The following ZNF81 variants were observed in gnomAD, a reference collection of about 807,000 sequenced individuals.
The protein encoded by ZNF81 is zinc finger protein 81 (HFZ20).
ZNF81 carries 5 observed loss-of-function variants against 32.3 expected under a neutral mutation model. The observed-to-expected ratio is 0.15, with a 90% CI of 0.08 to 0.33. The LOEUF is 0.33. ZNF81 is among the 10% of genes least tolerant of loss of function. ZNF81 has a pLI of 1.00. For missense variants in ZNF81, 379 were observed against 479.8 expected (o/e 0.79, Z 1.96); for synonymous variants, 163 against 166.8 (o/e 0.98, Z 0.17).
intron 3 of ZNF81, among the ~76,000 whole-genome samples, chrX:47,892,035 G>A (rs193106944): frequency 1.8e-5 from 2 of 111,115 alleles, no homozygotes; most frequent in Admixed American, 9.6e-5. Flanking sequence ...TTTATGATTC[G>A]AGTTAGAGTT....
At position 47,919,812 on chromosome X, in the gene ZNF81, T is replaced by G. The variant is rs1465981711; in HGVS notation, c.*3180T>G. On this transcript the variant is annotated 3_prime_UTR_variant, in exon 5 of 5. Coordinates refer to ENST00000338637, the MANE Select transcript of ZNF81 (RefSeq NM_007137.5). ...CATTGAGGATTAGGATTTTAACATA[T>G]GAATTTTGGGGGGGATGCAATCATT... The G allele has an allele frequency of 9.0e-6, 1 of 111,434 alleles. No individual in the cohort carries two copies. Among genetic ancestry groups the G allele is most frequent in the Non-Finnish European group, 1.9e-5 (1 of 53,106 alleles). 9.2% of individuals were successfully genotyped at this position (111,434 alleles called of 1,213,427 possible).
In ZNF81 at chrX:47,916,789, A is replaced by G. The variant is rs782747880; in HGVS notation, c.*157A>G. The G allele has an allele frequency of 2.1e-4, 114 of 534,777 alleles. No individual in the cohort carries two copies. The highest frequency in any genetic ancestry group is 2.8e-4 in the Non-Finnish European group (103 of 363,707). 44.1% of individuals were successfully genotyped at this position (534,777 alleles called of 1,213,427 possible). On this transcript the variant is annotated 3_prime_UTR_variant, in exon 5 of 5. Coordinates refer to ENST00000338637, the MANE Select transcript of ZNF81 (RefSeq NM_007137.5). ...CACTTGAGATGGAAAAAAATTATTC[A>G]GAAGAAACTCTCTTAAAAATGCATT... is the stretch of plus-strand genomic sequence containing the variant.
At chrX:47,877,729 T>A (rs1451614761) in intron 2 of ZNF81, among the ~76,000 whole-genome samples, 1 of 112,288 alleles carries the variant, frequency 8.9e-6, no homozygotes, top group African/African-American at 3.2e-5. Context: ...GCACATTTGC[T>A]GCTCATTTTC....
At chrX:47,903,040 C>T (rs988946207) in intron 4 of ZNF81, among the ~76,000 whole-genome samples, 9 of 111,344 alleles carry the variant, frequency 8.1e-5, no homozygotes, top group African/African-American at 2.6e-4. Flanking sequence ...CAATAAATTA[C>T]GTATTGATGG....
rs1282905898 is a variant in ZNF81 at position 47,889,625 on chromosome X, C to T, written c.181+1500C>T. Among the ~76,000 whole-genome samples the T allele has an allele frequency of 2.7e-5, 3 of 112,010 alleles. No homozygotes were observed. In the South Asian group the frequency reaches 1.1e-3, roughly 41 times the overall value. On this transcript the variant is annotated intron_variant, in intron 3 of 4. Coordinates refer to ENST00000338637, the MANE Select transcript of ZNF81 (RefSeq NM_007137.5). ...TATTAGTCCGTTTGTTCTCACATTG[C>T]TATAAAGAAATGCCTGAGACTGGGT...
At chrX:47,880,960 G>C (rs912178284) in intron 2 of ZNF81, among the ~76,000 whole-genome samples, 1 of 111,691 alleles carries the variant, frequency 9.0e-6, no homozygotes, top group Non-Finnish European at 1.9e-5. Flanking sequence ...GTATCACATG[G>C]CTAGGGGATT....
intron 2 of ZNF81, among the ~76,000 whole-genome samples, chrX:47,854,677 G>C (rs1406064072): frequency 8.9e-6 from 1 of 111,785 alleles, no homozygotes; most frequent in Non-Finnish European, 1.9e-5. Context: ...CCAGTAGGTG[G>C]AGCAGTCAGA....
intron 2 of ZNF81, among the ~76,000 whole-genome samples, chrX:47,886,601 C>CT (rs564623338): frequency 0.12 from 11,436 of 96,100 alleles, 981 homozygotes; most frequent in East Asian, 0.31. Context: ...CTCTCTCTCT[C>CT]TTTTTTTTTT....
intron 2 of ZNF81, among the ~76,000 whole-genome samples, chrX:47,879,629 C>T (rs1556884917): frequency 1.8e-5 from 2 of 112,085 alleles, no homozygotes; most frequent in African/African-American, 3.2e-5. Flanking sequence ...AAATCTGCCT[C>T]TCCTTTGTCC....
In ZNF81 at chrX:47,915,463, G is replaced by A; in HGVS notation, c.817G>A (p.Ala273Thr). 7.4e-6 allele frequency: 9 copies of A among 1,211,445 alleles called. 1 individual carries two copies. The highest frequency in any genetic ancestry group is 4.6e-4 in the Middle Eastern group (2 of 4,353). Residue 273 changes from alanine to threonine, a missense_variant, in exon 5 of 5, where the codon GCA (alanine) becomes ACA (threonine). By Grantham distance (58) the Ala-to-Thr change is moderately conservative. Around this residue, in one of 2 missense-constraint regions of ZNF81, gnomAD observed 277 missense variants for 306.6 expected, o/e 0.90. Coordinates refer to ENST00000338637, the MANE Select transcript of ZNF81 (RefSeq NM_007137.5). Reference protein sequence around the residue: ...QNVKFPIGEKANTCTEFGKIF... With the variant: ...QNVKFPIGEKTNTCTEFGKIF... Reference sequence around the variant, plus strand: ...TGTGAAATTTCCCATTGGAGAGAAAGCAAACACATGTACTGAATTTGGGAA... The same window carrying A: ...TGTGAAATTTCCCATTGGAGAGAAAACAAACACATGTACTGAATTTGGGAA...
chrX:47,877,936 G>A (rs1162402268), intron 2 of ZNF81, among the ~76,000 whole-genome samples: 2 of 111,420 alleles, frequency 1.8e-5, no homozygotes, highest in East Asian at 2.8e-4. Context: ...ACAAGAGTTC[G>A]TCTCAGGCAG....
At chrX:47,840,128 T>TC (rs1491439821) in intron 1 of ZNF81, among the ~76,000 whole-genome samples, 6 of 24,158 alleles carry the variant, frequency 2.5e-4, no homozygotes, top group South Asian at 1.4e-3. Context: ...CTTCTCTCTC[T>TC]TTTTTTTTTT....
At chrX:47,840,198 G>A (rs1216517870) in intron 1 of ZNF81, among the ~76,000 whole-genome samples, 1 of 104,805 alleles carries the variant, frequency 9.5e-6, no homozygotes, top group African/African-American at 3.5e-5. Context: ...TGTATTTCGA[G>A]TCTTTTTCAA....
intron 2 of ZNF81, among the ~76,000 whole-genome samples, chrX:47,887,653 A>T (rs2058647170): frequency 9.0e-6 from 1 of 111,617 alleles, no homozygotes; most frequent in Non-Finnish European, 1.9e-5. Context: ...GAAATTTTTA[A>T]AAATTGGGAT....
At chrX:47,859,777 T>A (rs1463420183) in intron 2 of ZNF81, among the ~76,000 whole-genome samples, 1 of 111,584 alleles carries the variant, frequency 9.0e-6, no homozygotes, top group Non-Finnish European at 1.9e-5. Flanking sequence ...TCTTAACATT[T>A]GTGCCAGCTC....
At chrX:47,874,913 C>G (rs1267069866) in intron 2 of ZNF81, among the ~76,000 whole-genome samples, 1 of 111,578 alleles carries the variant, frequency 9.0e-6, no homozygotes, top group African/African-American at 3.3e-5. Flanking sequence ...GAGGTGCAAT[C>G]TAGGCTAAGC....
chrX:47,877,233 C>G (rs1172679417), intron 2 of ZNF81, among the ~76,000 whole-genome samples: 2 of 111,651 alleles, frequency 1.8e-5, no homozygotes, highest in Non-Finnish European at 3.8e-5. Flanking sequence ...AGGATGGTCC[C>G]TTGGGCGACT....
intron 4 of ZNF81, among the ~76,000 whole-genome samples, chrX:47,905,004 G>A (rs111513440): frequency 2.8e-5 from 3 of 109,037 alleles, no homozygotes; most frequent in East Asian, 2.9e-4. Flanking sequence ...ATAGGTGGGA[G>A]TTGAACAATG....
At chrX:47,912,693 G>A (rs782215891) in intron 4 of ZNF81, among the ~76,000 whole-genome samples, 2 of 109,425 alleles carry the variant, frequency 1.8e-5, no homozygotes, top group East Asian at 2.9e-4. Flanking sequence ...TGGGATCTGC[G>A]TGCTTGACTC....
Sources: allele counts gnomAD v4.1 joint callset (sites outside exome capture counted in the v4.1 genomes callset), GRCh38; gene constraint gnomAD v4.1.1; regional missense constraint gnomAD v4.1.1; transcripts MANE v1.5; gene names NCBI Gene and HGNC (gene_info 2026-07-23, HGNC 2026-07-21).